Variants in NEXMIF observed in about 807,000 individuals in gnomAD.
NEXMIF encodes XLMR protein related to neurite extension.
NEXMIF carries 8 observed loss-of-function variants against 62.1 expected under a neutral mutation model. The ratio of observed to expected loss-of-function variants is 0.13; its 90% confidence interval spans 0.08 to 0.23. NEXMIF has a LOEUF of 0.23. Ranked by LOEUF, NEXMIF falls within the 10% of genes least tolerant of loss-of-function variation. The pLI is 1.00. For synonymous variants in NEXMIF, 404 were observed against 416.6 expected, an observed-to-expected ratio of 0.97 and a Z score of 0.37; for missense variants, 976 against 1,113.3, an observed-to-expected ratio of 0.88 and a Z score of 1.75.
intron 1 of NEXMIF, among the ~76,000 whole-genome samples, chrX:74,795,132 T>C (rs1349523370): frequency 8.9e-6 from 1 of 112,136 alleles, no homozygotes; most frequent in Non-Finnish European, 1.9e-5. Context: ...TGGAAAGGAA[T>C]TGTGTTAAAA....
intron 1 of NEXMIF, among the ~76,000 whole-genome samples, chrX:74,836,324 C>T (rs2080456383): frequency 9.0e-6 from 1 of 111,500 alleles, no homozygotes; most frequent in African/African-American, 3.3e-5. Flanking sequence ...GACGAAGTCC[C>T]CTTTACTTTT....
intron 1 of NEXMIF, among the ~76,000 whole-genome samples, chrX:74,846,064 C>A (rs182017077): frequency 8.9e-6 from 1 of 112,590 alleles, no homozygotes; most frequent in Non-Finnish European, 1.9e-5. Flanking sequence ...TAATTAATAT[C>A]TTCTTTCCCA....
intron 1 of NEXMIF, among the ~76,000 whole-genome samples, chrX:74,765,632 T>G (rs2080192394): frequency 1.8e-5 from 2 of 110,946 alleles, no homozygotes; most frequent in Non-Finnish European, 3.8e-5. Context: ...TGTAATAAAC[T>G]TCCTCTGCAT....
At chrX:74,871,108 G>A (rs993742288) in intron 1 of NEXMIF, among the ~76,000 whole-genome samples, 6 of 111,612 alleles carry the variant, frequency 5.4e-5, no homozygotes, top group East Asian at 2.8e-4. Context: ...AAAATGTATC[G>A]GGGGAACCAG....
intron 1 of NEXMIF, among the ~76,000 whole-genome samples, chrX:74,789,671 C>A (rs201286948): frequency 0.13 from 14,106 of 109,304 alleles, 1,564 homozygotes; most frequent in East Asian, 0.9. Context: ...GCCATTCTAA[C>A]TGGTGTGAGA....
At position 74,751,685 on chromosome X, in the gene NEXMIF, CCCT is replaced by C. The variant is rs201329724; in HGVS notation, c.-47-5991_-47-5989del. On this transcript the variant is annotated intron_variant, in intron 1 of 3. Transcript: ENST00000055682. Reference sequence around the variant, plus strand: ...TCCTTCCTTCCTTCCCTCCCTCCCTCCCTCTTTTCTTCCTTCCTTCCTTCCTTT... The same window carrying C: ...TCCTTCCTTCCTTCCCTCCCTCCCTCCTTTTCTTCCTTCCTTCCTTCCTTT... 3.5e-3 allele frequency among the ~76,000 whole-genome samples: 299 copies of C among 86,442 alleles called. 8 individuals carry two copies. Among genetic ancestry groups the C allele is most frequent in the East Asian group, 0.031 (39 of 1,239 alleles). 75.1% of individuals were successfully genotyped at this position (86,442 alleles called of 115,157 possible). A position where few individuals can be genotyped will look rare whatever the true frequency, so the allele number is the denominator to read the frequency against.
intron 1 of NEXMIF, among the ~76,000 whole-genome samples, chrX:74,812,156 T>C (rs2080362456): frequency 1.8e-5 from 2 of 112,799 alleles, no homozygotes; most frequent in East Asian, 2.8e-4. Flanking sequence ...TCAGTATTTC[T>C]AGCATTCAGC....
chrX:74,765,194 T>C (rs1756408711), intron 1 of NEXMIF, among the ~76,000 whole-genome samples: 1 of 112,055 alleles, frequency 8.9e-6, no homozygotes, highest in African/African-American at 3.2e-5. Flanking sequence ...TTTTAGTCTT[T>C]TTAAAAGTCT....
chrX:74,820,042 A>G (rs1263083593), intron 1 of NEXMIF, among the ~76,000 whole-genome samples: 2 of 111,155 alleles, frequency 1.8e-5, no homozygotes, highest in East Asian at 2.8e-4. Flanking sequence ...TTGCAGGGAC[A>G]TGGATGAAGC....
intron 1 of NEXMIF, among the ~76,000 whole-genome samples, chrX:74,880,291 C>T (rs113337777): frequency 0.046 from 5,113 of 111,508 alleles, 142 homozygotes; most frequent in Non-Finnish European, 0.074. Flanking sequence ...ACATAACTTC[C>T]ACAGACAGAC....
chrX:74,887,566 T>G (rs1213740731), intron 1 of NEXMIF, among the ~76,000 whole-genome samples: 1 of 111,855 alleles, frequency 8.9e-6, no homozygotes, highest in Non-Finnish European at 1.9e-5. Context: ...TCACTGGCCA[T>G]CAGAGAAATG....
At chrX:74,855,335 G>A (rs1177414653) in intron 1 of NEXMIF, among the ~76,000 whole-genome samples, 1 of 112,011 alleles carries the variant, frequency 8.9e-6, no homozygotes, top group East Asian at 2.8e-4. Context: ...TTCAATACAT[G>A]TTGCTGGGAA....
chrX:74,872,519 T>C (rs774934928), intron 1 of NEXMIF, among the ~76,000 whole-genome samples: 1 of 109,787 alleles, frequency 9.1e-6, no homozygotes, highest in African/African-American at 3.3e-5. Flanking sequence ...TAGTATTTGC[T>C]AGCACATCAG....
Position 74,744,437 on chromosome X carries a change from A to G in NEXMIF, c.120T>C (p.Ala40=), listed in dbSNP as rs1348305634. 8.3e-7 allele frequency: 1 copy of G among 1,203,630 alleles called. No homozygotes were observed. Among genetic ancestry groups the G allele is most frequent in the Admixed American group, 2.2e-5 (1 of 44,913 alleles). The change falls in exon 3 of 4, where the codon GCT becomes GCC. Residue 40 remains alanine, a synonymous_variant. Transcript: ENST00000055682. ...GCTGGATAGGTGCAGCAGCTTCTAG[A>G]GCTGCAAATGACTTCATTGCCACAT... ...DQDVAMKSFA[A]LEAAAPIQPT... is the part of the protein sequence containing the mutation.
chrX:74,811,585 C>T (rs1245681191), intron 1 of NEXMIF, among the ~76,000 whole-genome samples: 1 of 112,703 alleles, frequency 8.9e-6, no homozygotes, highest in East Asian at 2.8e-4. Flanking sequence ...TAGCAACTGT[C>T]ACACAGTCTA....
At chrX:74,844,063 A>G (rs2080483400) in intron 1 of NEXMIF, among the ~76,000 whole-genome samples, 1 of 111,983 alleles carries the variant, frequency 8.9e-6, no homozygotes, top group Non-Finnish European at 1.9e-5. Context: ...TGGATATGAA[A>G]TTCTTGGTTG....
intron 1 of NEXMIF, among the ~76,000 whole-genome samples, chrX:74,903,153 A>G (rs1282727138): frequency 9.0e-6 from 1 of 111,517 alleles, no homozygotes; most frequent in Non-Finnish European, 1.9e-5. Context: ...TAGCAAATAC[A>G]CGTTCACTGA....
intron 1 of NEXMIF, among the ~76,000 whole-genome samples, chrX:74,840,816 T>C (rs781639297): frequency 5.4e-5 from 6 of 111,298 alleles, no homozygotes; most frequent in Non-Finnish European, 1.1e-4. Flanking sequence ...ACTTCTGGGC[T>C]TTCTATTCTG....
At chrX:74,893,243 T>G (rs750818002) in intron 1 of NEXMIF, among the ~76,000 whole-genome samples, 2 of 112,344 alleles carry the variant, frequency 1.8e-5, no homozygotes, top group African/African-American at 3.2e-5. Flanking sequence ...AACAGAAAAT[T>G]GAAGGTATCT....
Sources: gnomAD v4.1 joint callset for allele counts (sites outside exome capture counted in the v4.1 genomes callset) on GRCh38, gnomAD v4.1.1 for gene constraint, MANE v1.5 for transcripts, NCBI Gene and HGNC (gene_info 2026-07-23, HGNC 2026-07-21) for gene names.